The following FRMPD4 variants were observed in gnomAD, a reference collection of about 807,000 sequenced individuals.
FRMPD4 encodes FERM and PDZ domain containing 4.
FRMPD4 carries 22 observed loss-of-function variants against 94.1 expected under a neutral mutation model. That is an observed-to-expected ratio of 0.23 (90% CI 0.17 to 0.33). The LOEUF is 0.33. Ranked by LOEUF, FRMPD4 falls within the 10% of genes least tolerant of loss-of-function variation. The probability of loss-of-function intolerance (pLI) is 1.00; values close to 1 mark genes in which losing one functional copy is unlikely to be tolerated. For missense variants in FRMPD4, 1,111 were observed against 1,339.9 expected (o/e 0.83, Z 2.67); for synonymous variants, 631 against 548.6 (o/e 1.15, Z -2.10).
intron 3 of FRMPD4, among the ~76,000 whole-genome samples, chrX:12,112,765 A>G (rs2055377290): frequency 9.0e-6 from 1 of 111,307 alleles, no homozygotes; most frequent in Admixed American, 9.6e-5. Flanking sequence ...AGCTATGATT[A>G]TTATTTATTC....
intron 1 of FRMPD4, among the ~76,000 whole-genome samples, chrX:12,180,483 T>A (rs2056346198): frequency 8.9e-6 from 1 of 111,917 alleles, no homozygotes; most frequent in East Asian, 2.8e-4. Context: ...TTTAAACAAA[T>A]TTTAGTAAGA....
chrX:12,244,101 G>A, intron 1 of FRMPD4, among the ~76,000 whole-genome samples: 1 of 108,238 alleles, frequency 9.2e-6, no homozygotes, highest in East Asian at 2.9e-4. Context: ...TGGCGTTTTT[G>A]TTTTGTTTTG....
intron 1 of FRMPD4, among the ~76,000 whole-genome samples, chrX:12,154,631 A>G (rs2055906823): frequency 8.9e-6 from 1 of 112,892 alleles, no homozygotes; most frequent in Admixed American, 9.3e-5. Context: ...TAGGACATGT[A>G]TACCCTAAAT....
chrX:12,029,705 G>A (rs1339682373), intron 3 of FRMPD4, among the ~76,000 whole-genome samples: 1 of 111,326 alleles, frequency 9.0e-6, no homozygotes, highest in East Asian at 2.8e-4. Context: ...TGTTTTAAAG[G>A]GATCACCTCT....
At chrX:11,856,852 G>A (rs1379827185) in intron 1 of FRMPD4, among the ~76,000 whole-genome samples, 3 of 111,763 alleles carry the variant, frequency 2.7e-5, no homozygotes, top group African/African-American at 9.8e-5. Context: ...AAACCACTTC[G>A]GGAAAGTCTC....
intron 9 of FRMPD4, among the ~76,000 whole-genome samples, chrX:12,698,410 G>C (rs2060155181): frequency 9.0e-6 from 1 of 111,308 alleles, no homozygotes; most frequent in Admixed American, 9.6e-5. Context: ...TAAGACCTAA[G>C]AGGCTCCAAA....
chrX:12,379,798 A>T (rs187469835), intron 1 of FRMPD4, among the ~76,000 whole-genome samples: 2 of 110,703 alleles, frequency 1.8e-5, no homozygotes, highest in African/African-American at 6.6e-5. Flanking sequence ...TTGGCTCTCA[A>T]AAAGAAGAGA....
chrX:12,045,758 G>GA (rs1390249489), intron 3 of FRMPD4, among the ~76,000 whole-genome samples: 4 of 111,256 alleles, frequency 3.6e-5, no homozygotes, highest in Non-Finnish European at 5.7e-5. Context: ...GACAGAAGAT[G>GA]AAAAAAATCA....
At chrX:12,692,942 G>A in intron 8 of FRMPD4, among the ~76,000 whole-genome samples, 2 of 111,662 alleles carry the variant, frequency 1.8e-5, no homozygotes, top group Middle Eastern at 9.3e-3. Flanking sequence ...CCCTCAGCCA[G>A]TGATAAGTAG....
chrX:12,264,098 G>T, intron 1 of FRMPD4, among the ~76,000 whole-genome samples: 1 of 111,523 alleles, frequency 9.0e-6, no homozygotes, highest in Non-Finnish European at 1.9e-5. Context: ...AGAATGAGAA[G>T]AGTCAGTGGT....
At chrX:12,233,977 A>ATTAT (rs111441692) in intron 1 of FRMPD4, among the ~76,000 whole-genome samples, 2,103 of 103,204 alleles carry the variant, frequency 0.02, 52 homozygotes, top group African/African-American at 0.063. Context: ...GAATGAATGA[A>ATTAT]TTATTTATTT....
chrX:12,558,031 G>A (rs1297770555), intron 2 of FRMPD4, among the ~76,000 whole-genome samples: 2 of 112,445 alleles, frequency 1.8e-5, no homozygotes, highest in African/African-American at 3.2e-5. Flanking sequence ...TTAGTATATG[G>A]TAAAAACAAG....
chrX:11,856,700 T>C (rs1332545353), intron 1 of FRMPD4, among the ~76,000 whole-genome samples: 15 of 112,139 alleles, frequency 1.3e-4, no homozygotes, highest in Non-Finnish European at 2.8e-4. Context: ...TTGAAAGTTC[T>C]GGTCTGGACA....
chrX:12,312,628 G>T (rs1462720636), intron 1 of FRMPD4, among the ~76,000 whole-genome samples: 1 of 111,312 alleles, frequency 9.0e-6, no homozygotes, highest in Non-Finnish European at 1.9e-5. Context: ...TTGTTCAGTT[G>T]TTTTCACACA....
At chrX:12,455,993 C>T (rs2057329504) in intron 1 of FRMPD4, among the ~76,000 whole-genome samples, 1 of 111,291 alleles carries the variant, frequency 9.0e-6, no homozygotes, top group Admixed American at 9.5e-5. Flanking sequence ...GGGGTTTCTC[C>T]ATGTTGGTCA....
chrX:12,191,245 C>T (rs140452374), intron 1 of FRMPD4, among the ~76,000 whole-genome samples: 1 of 112,003 alleles, frequency 8.9e-6, no homozygotes, highest in African/African-American at 3.2e-5. Flanking sequence ...CTGACAACAC[C>T]AAGTATTGAT....
intron 3 of FRMPD4, among the ~76,000 whole-genome samples, chrX:11,997,220 T>C (rs2054501291): frequency 1.8e-5 from 2 of 111,105 alleles, no homozygotes; most frequent in South Asian, 7.6e-4. Flanking sequence ...AAAAATGGTT[T>C]AGACGTAGAC....
chrX:12,619,391 C>A, intron 4 of FRMPD4, among the ~76,000 whole-genome samples: 1 of 111,706 alleles, frequency 9.0e-6, no homozygotes, highest in Non-Finnish European at 1.9e-5. Context: ...TGAGGTCCCC[C>A]ACTGGTATCC....
chrX:12,193,809 AGGAAGGAAGGAAGGAAGGAG>A (rs1171513712), intron 1 of FRMPD4, among the ~76,000 whole-genome samples: 1 of 29,592 alleles, frequency 3.4e-5, no homozygotes, highest in African/African-American at 2.1e-4. Context: ...GAAGGAAGGA[AGGAAGGAAGGAAGGAAGGAG>A]GGAAGGAAGA....
Sources: gnomAD v4.1 joint callset for allele counts (sites outside exome capture counted in the v4.1 genomes callset) on GRCh38, gnomAD v4.1.1 for gene constraint, MANE v1.5 for transcripts, NCBI Gene and HGNC (gene_info 2026-07-23, HGNC 2026-07-21) for gene names.